Variants in SLC2A9 observed in about 807,000 individuals in gnomAD.
The protein encoded by SLC2A9 is solute carrier family 2 member 9, also known as solute carrier family 2, facilitated glucose transporter member 9.
SLC2A9 carries 39 observed loss-of-function variants against 50.6 expected under a neutral mutation model. The observed-to-expected ratio is 0.77, with a 90% CI of 0.60 to 1.01. The LOEUF (loss-of-function observed/expected upper bound fraction) is 1.01, where lower values mean the gene tolerates loss of function less well. Among genes scored for constraint, SLC2A9 ranks in the 50% least tolerant of loss-of-function variants. The pLI is 0.00. For missense variants in SLC2A9, 686 were observed against 677.6 expected (o/e 1.01, Z -0.14); for synonymous variants, 324 against 276.9 (o/e 1.17, Z -1.69).
chr4:10,026,663 G>A (rs7697416), intron 1 of SLC2A9, among the ~76,000 whole-genome samples: 49,042 of 152,106 alleles, frequency 0.32, 9,177 homozygotes, highest in African/African-American at 0.51. Context: ...TCCATATAGC[G>A]GAAAATTACT....
intron 5 of SLC2A9, among the ~76,000 whole-genome samples, chr4:9,971,106 A>C (rs977141104): frequency 6.6e-6 from 1 of 152,214 alleles, no homozygotes; most frequent in African/African-American, 2.4e-5. Context: ...TTAAGACAGT[A>C]GCTTGCCGAT....
intron 4 of SLC2A9, among the ~76,000 whole-genome samples, chr4:9,985,034 C>T (rs952528234): frequency 6.6e-6 from 1 of 152,192 alleles, no homozygotes; most frequent in Non-Finnish European, 1.5e-5. Context: ...GAACAGTTCT[C>T]ACCCTTGGCT....
At chr4:9,865,171 C>T (rs534359205) in intron 10 of SLC2A9, among the ~76,000 whole-genome samples, 1 of 152,314 alleles carries the variant, frequency 6.6e-6, no homozygotes, top group African/African-American at 2.4e-5. Flanking sequence ...CCCCAGGGAA[C>T]ATTTGGCAAT....
At chr4:9,782,190 C>T in intron 3 of SLC2A9, 1 of 1,607,066 alleles carries the variant, frequency 6.2e-7, no homozygotes, top group South Asian at 1.1e-5. Flanking sequence ...ATCATCTGGA[C>T]CCTGCTGGGC....
intron 10 of SLC2A9, among the ~76,000 whole-genome samples, chr4:9,871,281 T>C (rs1733391056): frequency 6.6e-6 from 1 of 152,140 alleles, no homozygotes; most frequent in South Asian, 2.1e-4. Flanking sequence ...TCCTGCCAAC[T>C]TAGTGGCTAT....
intron 6 of SLC2A9, among the ~76,000 whole-genome samples, chr4:9,941,016 C>T (rs1748026888): frequency 2.0e-5 from 3 of 152,194 alleles, no homozygotes; most frequent in Non-Finnish European, 4.4e-5. Flanking sequence ...TTCCTTTTTA[C>T]AGATGAGGGT....
intron 10 of SLC2A9, among the ~76,000 whole-genome samples, chr4:9,886,720 C>T (rs997632144): frequency 6.6e-6 from 1 of 152,126 alleles, no homozygotes; most frequent in Non-Finnish European, 1.5e-5. Context: ...AACCAAAGAA[C>T]AGCCATGAAT....
At chr4:9,896,399 C>T (rs1048983554) in intron 8 of SLC2A9, among the ~76,000 whole-genome samples, 26 of 152,172 alleles carry the variant, frequency 1.7e-4, no homozygotes, top group African/African-American at 6.0e-4. Flanking sequence ...TGTTTTGGAA[C>T]TCTTCTTTGG....
At chr4:9,938,524 G>T (rs1199552275) in intron 6 of SLC2A9, among the ~76,000 whole-genome samples, 1 of 152,032 alleles carries the variant, frequency 6.6e-6, no homozygotes, top group African/African-American at 2.4e-5. Flanking sequence ...GCCCACCTCG[G>T]CCTCCCAAAG....
intron 3 of SLC2A9, among the ~76,000 whole-genome samples, chr4:9,989,021 T>C (rs555776789): frequency 1.3e-5 from 2 of 152,310 alleles, no homozygotes; most frequent in South Asian, 4.1e-4. Flanking sequence ...AAATAATGTA[T>C]CTCTCCACAG....
At chr4:9,950,102 C>G (rs1056235126) in intron 5 of SLC2A9, among the ~76,000 whole-genome samples, 2 of 152,188 alleles carry the variant, frequency 1.3e-5, no homozygotes, top group Admixed American at 6.5e-5. Context: ...ATGTCACCCT[C>G]TCCACACCTG....
chr4:9,931,948 C>CTA lies in SLC2A9; in HGVS notation c.814+9964_814+9965insTA, dbSNP rs1746089496. On this transcript the variant is annotated intron_variant, in intron 6 of 11. Coordinates refer to ENST00000264784, the MANE Select transcript of SLC2A9 (RefSeq NM_020041.3). ...TCTCTCTCTCTCTCTCTCTCTCTCT[C>CTA]TCTCTCTCTCTCTCTATATATATAT... 8.2e-5 allele frequency among the ~76,000 whole-genome samples: 5 copies of CTA among 60,706 alleles called. 2 individuals carry two copies. The highest frequency in any genetic ancestry group is 2.0e-4 in the African/African-American group (2 of 10,028). The allele number at this position is 60,706 out of a possible 152,430, so 39.8% of individuals were successfully genotyped here. A position where few individuals can be genotyped will look rare whatever the true frequency, so the allele number is the denominator to read the frequency against.
At chr4:9,864,984 T>G (rs1732219671) in intron 10 of SLC2A9, among the ~76,000 whole-genome samples, 1 of 152,254 alleles carries the variant, frequency 6.6e-6, no homozygotes, top group Admixed American at 6.5e-5. Flanking sequence ...TTCTGAGCTG[T>G]GAGCATGAAC....
chr4:9,791,322 C>A (rs1002988063), intron 3 of SLC2A9, among the ~76,000 whole-genome samples: 1 of 152,168 alleles, frequency 6.6e-6, no homozygotes, highest in Non-Finnish European at 1.5e-5. Flanking sequence ...CTAATCCATG[C>A]CTGTTACACC....
intron 10 of SLC2A9, among the ~76,000 whole-genome samples, chr4:9,859,434 T>C (rs1269180812): frequency 6.6e-6 from 1 of 152,194 alleles, no homozygotes; most frequent in Non-Finnish European, 1.5e-5. Context: ...AATTTACAAA[T>C]GAGGAAACTA....
chr4:9,950,320 A>G (rs1415893359), intron 5 of SLC2A9, among the ~76,000 whole-genome samples: 3 of 152,210 alleles, frequency 2.0e-5, no homozygotes, highest in African/African-American at 7.2e-5. Flanking sequence ...CAAGGCTACA[A>G]CACTCACCAC....
rs968192507 is a variant in SLC2A9, at chr4:9,826,334, G to A, written c.*63C>T. 6.5e-6 allele frequency: 10 copies of A among 1,543,080 alleles called. No homozygotes were observed. Among genetic ancestry groups the A allele is most frequent in the Non-Finnish European group, 9.0e-6 (10 of 1,115,972 alleles). ...GTAAATTTTAAGTTTCCTGAAAAGTGAGATCATCCATGTAGACAATCCTGT... is the reference window on the plus strand; with the variant it reads ...GTAAATTTTAAGTTTCCTGAAAAGTAAGATCATCCATGTAGACAATCCTGT... On this transcript the variant is annotated 3_prime_UTR_variant, in exon 12 of 12. Transcript: ENST00000264784.
At chr4:9,809,229 G>A (rs558267879) in intron 3 of SLC2A9, among the ~76,000 whole-genome samples, 134 of 152,282 alleles carry the variant, frequency 8.8e-4, no homozygotes, top group African/African-American at 2.0e-3. Context: ...ATCCCAGCCT[G>A]GAAGTTTCCT....
chr4:9,983,341 G>GT (rs1330467033), intron 4 of SLC2A9, among the ~76,000 whole-genome samples: 2 of 152,188 alleles, frequency 1.3e-5, no homozygotes, highest in Non-Finnish European at 2.9e-5. Context: ...TATTCTGCAC[G>GT]TGGCCATGGG....
Sources: gnomAD v4.1 joint callset for allele counts (sites outside exome capture counted in the v4.1 genomes callset) on GRCh38, gnomAD v4.1.1 for gene constraint, MANE v1.5 for transcripts, NCBI Gene and HGNC (gene_info 2026-07-23, HGNC 2026-07-21) for gene names.